The following KLHL15 variants were observed in gnomAD, a reference collection of about 807,000 sequenced individuals.
The protein encoded by KLHL15 is kelch like family member 15.
Under a neutral mutation model 29.3 loss-of-function variants are expected in KLHL15, and 1 was observed. That is an observed-to-expected ratio of 0.03 (90% CI 0.01 to 0.16). KLHL15 has a LOEUF of 0.16. KLHL15 is among the 10% of genes least tolerant of loss of function. KLHL15 has a pLI of 1.00. For synonymous variants in KLHL15, 212 were observed against 184.5 expected (o/e 1.15, Z -1.21); for missense variants, 215 against 478.5 (o/e 0.45, Z 5.14).
intron 2 of KLHL15, among the ~76,000 whole-genome samples, chrX:24,019,383 G>A (rs1929758197): frequency 9.0e-6 from 1 of 110,917 alleles, no homozygotes; most frequent in Admixed American, 9.7e-5. Context: ...AGCCTCCTGA[G>A]TAGCTGGGAT....
At chrX:23,993,799 C>A (rs750447920) in intron 3 of KLHL15, among the ~76,000 whole-genome samples, 1 of 109,820 alleles carries the variant, frequency 9.1e-6, no homozygotes, top group South Asian at 4.0e-4. Flanking sequence ...GAGGTCGAGG[C>A]GGGCAAATCA....
intron 2 of KLHL15, among the ~76,000 whole-genome samples, chrX:24,013,829 G>A (rs774570574): frequency 2.7e-5 from 3 of 110,008 alleles, no homozygotes; most frequent in East Asian, 2.9e-4. Flanking sequence ...GCAACATAGC[G>A]AGTCCCCATC....
intron 1 of KLHL15, among the ~76,000 whole-genome samples, chrX:24,025,763 C>A (rs1301128392): frequency 9.1e-6 from 1 of 110,266 alleles, no homozygotes; most frequent in Non-Finnish European, 1.9e-5. Context: ...GCCCGCGGCG[C>A]CCCGCGTCCC....
At chrX:24,003,274 G>A (rs185894285) in intron 3 of KLHL15, among the ~76,000 whole-genome samples, 91 of 110,796 alleles carry the variant, frequency 8.2e-4, no homozygotes, top group African/African-American at 2.8e-3. Flanking sequence ...GGCCAGGCGC[G>A]GTGGCTCACC....
intron 1 of KLHL15, among the ~76,000 whole-genome samples, chrX:24,025,379 C>T (rs1431152673): frequency 1.9e-5 from 2 of 106,328 alleles, no homozygotes; most frequent in East Asian, 6.1e-4. Flanking sequence ...CGTGCGGGGC[C>T]ACGAGCCGGG....
chrX:24,018,698 A>C (rs773331458), intron 2 of KLHL15, among the ~76,000 whole-genome samples: 6 of 111,525 alleles, frequency 5.4e-5, no homozygotes, highest in Admixed American at 1.9e-4. Context: ...TTATCCAAAT[A>C]ATTTTTTTAA....
intron 2 of KLHL15, among the ~76,000 whole-genome samples, chrX:24,013,123 G>A (rs368295786): frequency 1.1e-4 from 12 of 111,219 alleles, no homozygotes; most frequent in African/African-American, 3.3e-4. Flanking sequence ...TTAGAGACAG[G>A]GTCTTGCTAT....
intron 2 of KLHL15, among the ~76,000 whole-genome samples, chrX:24,014,982 G>T (rs1318695655): frequency 8.9e-6 from 1 of 112,248 alleles, no homozygotes; most frequent in Admixed American, 9.4e-5. Context: ...AACTGAGAAA[G>T]AATAAAGCCA....
intron 3 of KLHL15, among the ~76,000 whole-genome samples, chrX:23,998,860 TG>T (rs1174413152): frequency 8.9e-6 from 1 of 111,869 alleles, no homozygotes; most frequent in Non-Finnish European, 1.9e-5. Flanking sequence ...GCTTATCATT[TG>T]TTTTTTTCTT....
rs1928979542 is a variant in KLHL15 at position 23,986,064 on chromosome X, A to G, written c.*1857T>C. 1 of 110,734 alleles carries G rather than the reference A, an allele frequency of 9.0e-6. No individual in the cohort carries two copies. The highest frequency in any genetic ancestry group is 3.3e-5 in the African/African-American group (1 of 30,756). 9.1% of individuals were successfully genotyped at this position (110,734 alleles called of 1,213,427 possible). A position where few individuals can be genotyped will look rare whatever the true frequency, so the allele number is the denominator to read the frequency against. The stretch of plus-strand genomic sequence containing the variant: ...AAAATATAAGTCTCATATATAAAAT[A>G]AGATTATTATTGATTTTTGAAATCA... On this transcript the variant is annotated 3_prime_UTR_variant, in exon 4 of 4. Transcript: ENST00000328046.
At chrX:23,994,742 C>T (rs1375321297) in intron 3 of KLHL15, among the ~76,000 whole-genome samples, 6 of 111,776 alleles carry the variant, frequency 5.4e-5, no homozygotes, top group Non-Finnish European at 1.1e-4. Context: ...TGCTTTGATA[C>T]TTTAAAAAAC....
chrX:23,993,466 G>GA (rs1273198239), intron 3 of KLHL15, among the ~76,000 whole-genome samples: 1 of 111,595 alleles, frequency 9.0e-6, no homozygotes, highest in Non-Finnish European at 1.9e-5. Flanking sequence ...GATAGAGAAT[G>GA]AGAGAACCTA....
At chrX:24,004,128 C>A (rs183919878) in intron 3 of KLHL15, among the ~76,000 whole-genome samples, 96 of 110,995 alleles carry the variant, frequency 8.6e-4, no homozygotes, top group African/African-American at 3.0e-3. Context: ...GGCAGAATGC[C>A]CCCTTCCCTA....
chrX:24,016,642 G>A (rs1320001906), intron 2 of KLHL15, among the ~76,000 whole-genome samples: 2 of 107,894 alleles, frequency 1.9e-5, no homozygotes, highest in African/African-American at 6.6e-5. Context: ...ACTCCAGCCT[G>A]GGCAAAAGAG....
In KLHL15 at chrX:23,984,631, C is replaced by A. The variant is rs1441531289; in HGVS notation, c.*3290G>T. ...CTGAAATAACAATTTATATTATAAACTGAAATGTTATGACCTACACCCACA... is the reference window on the plus strand; with the variant it reads ...CTGAAATAACAATTTATATTATAAAATGAAATGTTATGACCTACACCCACA... On this transcript the variant is annotated 3_prime_UTR_variant, in exon 4 of 4. Coordinates refer to ENST00000328046, the MANE Select transcript of KLHL15 (RefSeq NM_030624.3). The A allele has an allele frequency of 8.9e-6, 1 of 112,360 alleles. No homozygotes were observed. Among genetic ancestry groups the A allele is most frequent in the East Asian group, 2.7e-4 (1 of 3,652 alleles). The allele number at this position is 112,360 out of a possible 1,213,427, so 9.3% of individuals were successfully genotyped here.
chrX:24,003,836 C>T (rs1929387121), intron 3 of KLHL15, among the ~76,000 whole-genome samples: 1 of 108,368 alleles, frequency 9.2e-6, no homozygotes. Context: ...ATCTATAATC[C>T]CAGCACTCTG....
At chrX:24,003,756 T>C (rs1929385255) in intron 3 of KLHL15, among the ~76,000 whole-genome samples, 2 of 106,062 alleles carry the variant, frequency 1.9e-5, no homozygotes, top group Admixed American at 1.0e-4. Context: ...AGCCTTGGCC[T>C]CTTCGATGAT....
chrX:24,002,695 G>A (rs185509130), intron 3 of KLHL15, among the ~76,000 whole-genome samples: 16 of 108,544 alleles, frequency 1.5e-4, no homozygotes, highest in East Asian at 5.8e-4. Context: ...TGGCACGACC[G>A]TGGCTCACTG....
intron 3 of KLHL15, among the ~76,000 whole-genome samples, chrX:23,999,594 C>CAAGA (rs1929268419): frequency 1.8e-5 from 1 of 55,470 alleles, no homozygotes; most frequent in African/African-American, 7.1e-5. Flanking sequence ...GACTCCGTCT[C>CAAGA]AAAAAAAAAA....
Sources: gnomAD v4.1 joint callset for allele counts (sites outside exome capture counted in the v4.1 genomes callset) on GRCh38, gnomAD v4.1.1 for gene constraint, MANE v1.5 for transcripts, NCBI Gene and HGNC (gene_info 2026-07-23, HGNC 2026-07-21) for gene names.